Variants in TNFRSF10C observed in about 807,000 individuals in gnomAD.
TNFRSF10C encodes the protein tumor necrosis factor receptor superfamily member 10C.
A neutral mutation model predicts 16.7 loss-of-function variants in TNFRSF10C; 17 were observed. The observed-to-expected ratio is 1.02, with a 90% CI of 0.70 to 1.53. The LOEUF (loss-of-function observed/expected upper bound fraction) is 1.53, where lower values mean the gene tolerates loss of function less well. Ranked by LOEUF, TNFRSF10C falls within the 40% of genes most tolerant of loss-of-function variation. TNFRSF10C has a pLI of 0.00. For synonymous variants in TNFRSF10C, 73 were observed against 119.7 expected (o/e 0.61, Z 2.55); for missense variants, 237 against 329.7 (o/e 0.72, Z 2.18).
chr8:23,103,203 T>C, intron 1 of TNFRSF10C, 22 bp downstream of exon 1: 19 of 1,604,396 alleles, frequency 1.2e-5, no homozygotes, highest in Non-Finnish European at 1.6e-5. Context: ...CCGCGGTCCC[T>C]GGCTGGGGAA....
intron 2 of TNFRSF10C, 186 bp from the exon 3 acceptor site, chr8:23,114,471 A>T (rs1385221961): frequency 1.5e-5 from 7 of 459,504 alleles, no homozygotes; most frequent in Non-Finnish European, 2.4e-5. Flanking sequence ...ATTTTGTATT[A>T]TATTTCTGTC....
At chr8:23,104,654 C>G (rs1191953911) in intron 1 of TNFRSF10C, among the ~76,000 whole-genome samples, 1 of 152,246 alleles carries the variant, frequency 6.6e-6, no homozygotes, top group Non-Finnish European at 1.5e-5. Flanking sequence ...ACCCAGCTTA[C>G]AGTCACACCT....
At chr8:23,105,097 A>G (rs1372349283) in intron 1 of TNFRSF10C, among the ~76,000 whole-genome samples, 1 of 152,170 alleles carries the variant, frequency 6.6e-6, no homozygotes, top group Non-Finnish European at 1.5e-5. Context: ...GTAGGAATTG[A>G]GAAGTTCCAA....
chr8:23,114,714 A>G lies in TNFRSF10C; in HGVS notation c.224A>G (p.Tyr75Cys), dbSNP rs375695049. ...ACNPCTEGVD[Y>C]TNASNNEPSC... ...AACCCGTGCACAGAGGGTGTGGATT[A>G]CACCAACGCTTCCAACAATGAACCT... is the stretch of plus-strand genomic sequence containing the variant. Residue 75 changes from tyrosine to cysteine, a missense_variant, in exon 3 of 5, where the codon TAC becomes TGC. By Grantham distance (194) the Tyr-to-Cys change is radical (BLOSUM62 -2). This residue lies in a region of TNFRSF10C where 212 missense variants were observed against 196.8 expected (regional missense o/e 1.08). Transcript: ENST00000356864. 1.2e-6 allele frequency: 2 copies of G among 1,614,136 alleles called. No homozygotes were observed. The highest frequency in any genetic ancestry group is 1.7e-6 in the Non-Finnish European group (2 of 1,179,988).
At chr8:23,109,154 G>A (rs12550101) in intron 1 of TNFRSF10C, among the ~76,000 whole-genome samples, 17,046 of 151,738 alleles carry the variant, frequency 0.11, 1,214 homozygotes, top group East Asian at 0.32. Context: ...GGGAGTTACT[G>A]CTGAAGGGTA....
At chr8:23,106,372 C>T (rs182209132) in intron 1 of TNFRSF10C, among the ~76,000 whole-genome samples, 276 of 151,344 alleles carry the variant, frequency 1.8e-3, no homozygotes, top group Admixed American at 2.5e-3. Flanking sequence ...TGATTACAGT[C>T]ACCATTGAGG....
chr8:23,114,836 G>T, intron 3 of TNFRSF10C, 66 bp downstream of exon 3: 1 of 1,416,286 alleles, frequency 7.1e-7, no homozygotes, highest in Non-Finnish European at 1.0e-6. Flanking sequence ...AGTTGTAGCC[G>T]ATATGAGTCA....
At chr8:23,106,588 T>A (rs1385513880) in intron 1 of TNFRSF10C, among the ~76,000 whole-genome samples, 3 of 150,912 alleles carry the variant, frequency 2.0e-5, no homozygotes, top group African/African-American at 7.3e-5. Flanking sequence ...AAGTAACTCA[T>A]GAAGAAGCAA....
intron 4 of TNFRSF10C, 39 bp from the exon 5 acceptor site, chr8:23,116,602 C>T (rs1332919113): frequency 3.1e-6 from 5 of 1,589,622 alleles, no homozygotes; most frequent in Non-Finnish European, 4.3e-6. Flanking sequence ...GGCTAGCTTT[C>T]CCTCAGGAGT....
chr8:23,103,365 C>G, intron 1 of TNFRSF10C, 184 bp downstream of exon 1: 1 of 1,072,638 alleles, frequency 9.3e-7, no homozygotes, highest in Non-Finnish European at 1.4e-6. Flanking sequence ...AGGAGGGACC[C>G]GGCCGCGAGG....
chr8:23,104,741 A>G (rs1813744775), intron 1 of TNFRSF10C, among the ~76,000 whole-genome samples: 1 of 152,276 alleles, frequency 6.6e-6, no homozygotes, highest in African/African-American at 2.4e-5. Context: ...GATGTAAAAC[A>G]TAACACATCA....
intron 4 of TNFRSF10C, 142 bp from the exon 5 acceptor site, chr8:23,116,499 T>C (rs971641598): frequency 1.2e-5 from 14 of 1,216,100 alleles, no homozygotes; most frequent in South Asian, 1.5e-5. Context: ...ACGAGGGAAC[T>C]TGGGGGACCC....
At chr8:23,113,945 A>C (rs1480859354) in intron 2 of TNFRSF10C, among the ~76,000 whole-genome samples, 2 of 148,962 alleles carry the variant, frequency 1.3e-5, no homozygotes, top group Non-Finnish European at 3.0e-5. Flanking sequence ...ACAGAGCAAG[A>C]CTCTGTCTCA....
At position 23,103,168 on chromosome 8, in the gene TNFRSF10C, C is replaced by T; in HGVS notation, c.47C>T (p.Ala16Val). 6.2e-7 allele frequency: 1 copy of T among 1,611,456 alleles called. No individual in the cohort carries two copies. Among genetic ancestry groups the T allele is most frequent in the Non-Finnish European group, 8.5e-7 (1 of 1,179,100 alleles). The stretch of plus-strand genomic sequence containing the variant: ...CTAAAGTTCGTCGTCGTCATCGTCG[C>T]GGTCCTGCTGCCAGTGAGTCCCGGC... ...KTLKFVVVIV[A>V]VLLPVLAYSA... Residue 16 changes from alanine (A) to valine (V), a missense_variant, in exon 1 of 5, where the codon GCG becomes GTG. Transcript: ENST00000356864.
At chr8:23,114,254 G>A (rs948258326) in intron 2 of TNFRSF10C, among the ~76,000 whole-genome samples, 1 of 152,164 alleles carries the variant, frequency 6.6e-6, no homozygotes, top group Non-Finnish European at 1.5e-5. Flanking sequence ...AGCATGGGCA[G>A]ATCACATGTA....
At position 23,104,455 on chromosome 8, in the gene TNFRSF10C, C is replaced by T. The variant is rs781549373; in HGVS notation, c.60+1274C>T. On this transcript the variant is annotated intron_variant, in intron 1 of 4. Coordinates refer to ENST00000356864, the MANE Select transcript of TNFRSF10C (RefSeq NM_003841.5). ...TAGGGGCAGCTGGTTAGATCCCATCCTGACGGCCTTTGCTAATTCCAACAG... is the reference window on the plus strand; with the variant it reads ...TAGGGGCAGCTGGTTAGATCCCATCTTGACGGCCTTTGCTAATTCCAACAG... Among the ~76,000 whole-genome samples, 15 of 152,244 alleles carry T rather than the reference C, an allele frequency of 9.9e-5. No homozygotes were observed. In the Middle Eastern group the frequency reaches 0.01, roughly 104 times the overall value.
chr8:23,105,372 C>G (rs1343684188), intron 1 of TNFRSF10C, among the ~76,000 whole-genome samples: 4 of 152,222 alleles, frequency 2.6e-5, no homozygotes, highest in Non-Finnish European at 4.4e-5. Flanking sequence ...TGTCCTCCAT[C>G]CAGCAGAGGC....
At position 23,117,058 on chromosome 8, in the gene TNFRSF10C, T is replaced by C; in HGVS notation, c.*27T>C. 1 of 1,607,744 alleles carries C rather than the reference T, an allele frequency of 6.2e-7. No individual in the cohort carries two copies. The highest frequency in any genetic ancestry group is 1.7e-5 in the Admixed American group (1 of 59,652). On this transcript the variant is annotated 3_prime_UTR_variant, in exon 5 of 5. Transcript: ENST00000356864. ...AGACTTCACTGTGGAAGAAATTCCT[T>C]CCTTACCTGAAAGGTTCAGGTAGGC...
intron 1 of TNFRSF10C, among the ~76,000 whole-genome samples, chr8:23,108,351 T>C (rs1813816569): frequency 6.6e-6 from 1 of 152,214 alleles, no homozygotes; most frequent in Non-Finnish European, 1.5e-5. Flanking sequence ...ATTGGGAAGC[T>C]GCTGATCAGT....
Sources: gnomAD v4.1 joint callset for allele counts (sites outside exome capture counted in the v4.1 genomes callset) on GRCh38, gnomAD v4.1.1 for gene constraint, gnomAD v4.1.1 regional missense constraint, MANE v1.5 for transcripts, NCBI Gene and HGNC (gene_info 2026-07-23, HGNC 2026-07-21) for gene names.